GPC5: variants seen among roughly 807,000 people sequenced by gnomAD.
GPC5 encodes glypican-5.
In GPC5, 47 loss-of-function variants were observed where a neutral mutation model predicts 53.9. That is an observed-to-expected ratio of 0.87 (90% CI 0.69 to 1.11). GPC5 has a LOEUF of 1.11. Ranked by LOEUF, GPC5 falls within the 50% of genes most tolerant of loss-of-function variation. The pLI, the probability that GPC5 is intolerant of heterozygous loss-of-function variation, is 0.00. For synonymous variants in GPC5, 286 were observed against 263.3 expected (o/e 1.09, Z -0.84); for missense variants, 748 against 713.1 (o/e 1.05, Z -0.56).
chr13:92,175,460 A>G (rs1225346427), intron 7 of GPC5, among the ~76,000 whole-genome samples: 1 of 152,200 alleles, frequency 6.6e-6, no homozygotes, highest in Non-Finnish European at 1.5e-5. Context: ...ACATTTGAAT[A>G]GGAGGTTATG....
chr13:92,115,304 C>A (rs981825346), intron 6 of GPC5, among the ~76,000 whole-genome samples: 4 of 152,146 alleles, frequency 2.6e-5, no homozygotes, highest in Non-Finnish European at 4.4e-5. Flanking sequence ...GTCAAGAGAT[C>A]GAGACCATTC....
At chr13:92,680,510 T>C (rs980157423) in intron 7 of GPC5, among the ~76,000 whole-genome samples, 5 of 152,098 alleles carry the variant, frequency 3.3e-5, no homozygotes, top group African/African-American at 9.7e-5. Context: ...TGTAATAAGA[T>C]GAATAATGAA....
At chr13:92,186,820 C>T (rs1484292334) in intron 7 of GPC5, among the ~76,000 whole-genome samples, 1 of 152,010 alleles carries the variant, frequency 6.6e-6, no homozygotes, top group East Asian at 1.9e-4. Context: ...TCATTATGCC[C>T]ACATTACCTA....
At chr13:92,837,842 C>G (rs186483604) in intron 7 of GPC5, among the ~76,000 whole-genome samples, 1 of 151,798 alleles carries the variant, frequency 6.6e-6, no homozygotes, top group East Asian at 1.9e-4. Context: ...CCTGTAATCC[C>G]AGCACTTTGG....
rs552781504 is a variant in GPC5, at chr13:92,306,943, A to G, written c.1561+161954A>G. On this transcript the variant is annotated intron_variant, in intron 7 of 7. Coordinates refer to ENST00000377067, the MANE Select transcript of GPC5 (RefSeq NM_004466.6). ...CTTCTTGTCTGTTTCAGGATTTTAC[A>G]TAAGATTTCATTAGCGTCTTTAATT... is the stretch of plus-strand genomic sequence containing the variant. Among the ~76,000 whole-genome samples the G allele has an allele frequency of 1.1e-4, 16 of 152,354 alleles. No homozygotes were observed. In the South Asian group the frequency reaches 2.7e-3, roughly 26 times the overall value.
chr13:91,693,121 G>T (rs1342309696), intron 2 of GPC5, 66 bp from the exon 3 acceptor site: 2 of 1,135,152 alleles, frequency 1.8e-6, no homozygotes, highest in Non-Finnish European at 2.6e-6. Context: ...TTAATGTCTG[G>T]AGCAGATGGA....
intron 2 of GPC5, among the ~76,000 whole-genome samples, chr13:91,506,021 T>C (rs528083163): frequency 6.6e-6 from 1 of 152,302 alleles, no homozygotes; most frequent in Admixed American, 6.5e-5. Flanking sequence ...GTTTCTATTA[T>C]GTGATACGGG....
intron 6 of GPC5, among the ~76,000 whole-genome samples, chr13:92,085,192 C>T (rs1261876825): frequency 8.5e-5 from 13 of 152,106 alleles, no homozygotes; most frequent in Admixed American, 5.9e-4. Flanking sequence ...TAGCACGAGT[C>T]GATATGTTTC....
chr13:91,804,952 A>G (rs144900461), intron 5 of GPC5, among the ~76,000 whole-genome samples: 6 of 152,334 alleles, frequency 3.9e-5, no homozygotes, highest in Non-Finnish European at 5.9e-5. Flanking sequence ...AGGTAGCAGA[A>G]TGAGCAGAGA....
At chr13:92,606,862 A>G (rs1594341912) in intron 7 of GPC5, among the ~76,000 whole-genome samples, 1 of 152,168 alleles carries the variant, frequency 6.6e-6, no homozygotes, top group Non-Finnish European at 1.5e-5. Flanking sequence ...GTAGTACGGT[A>G]CAATGTAAAT....
chr13:92,122,308 G>A (rs1208202236), intron 6 of GPC5, among the ~76,000 whole-genome samples: 2 of 150,288 alleles, frequency 1.3e-5, no homozygotes, highest in African/African-American at 4.9e-5. Flanking sequence ...TTAATCTGCT[G>A]GCCCTTTTGC....
At chr13:92,666,182 G>A (rs972703619) in intron 7 of GPC5, among the ~76,000 whole-genome samples, 2 of 152,128 alleles carry the variant, frequency 1.3e-5, no homozygotes, top group African/African-American at 4.8e-5. Flanking sequence ...TAGCATAACA[G>A]GGATGGATTT....
chr13:91,589,565 G>C (rs2032722088), intron 2 of GPC5, among the ~76,000 whole-genome samples: 1 of 152,070 alleles, frequency 6.6e-6, no homozygotes, highest in Non-Finnish European at 1.5e-5. Context: ...GGATAGGAAG[G>C]AGAGATCTAT....
chr13:92,229,181 G>GC (rs1418867382), intron 7 of GPC5, among the ~76,000 whole-genome samples: 1 of 152,006 alleles, frequency 6.6e-6, no homozygotes, highest in Non-Finnish European at 1.5e-5. Flanking sequence ...ATGTTAAGTG[G>GC]GGAAGTGAGG....
In GPC5 at chr13:92,192,417, T is replaced by G. The variant is rs759275144; in HGVS notation, c.1561+47428T>G. ...CTCTAAAAGTTTATTAATTAATATA[T>G]ACATATGGAGCTCATTTTTCAAGGA... On this transcript the variant is annotated intron_variant, in intron 7 of 7. Transcript: ENST00000377067. Among the ~76,000 whole-genome samples the G allele has an allele frequency of 1.3e-4, 20 of 152,304 alleles. 1 individual carries two copies. The highest frequency in any genetic ancestry group is 6.8e-3 in the Middle Eastern group (2 of 294).
intron 2 of GPC5, among the ~76,000 whole-genome samples, chr13:91,514,578 A>G (rs1191031029): frequency 1.3e-5 from 2 of 152,188 alleles, no homozygotes; most frequent in Non-Finnish European, 2.9e-5. Context: ...CGTTATTTCT[A>G]AAAACATCAA....
intron 7 of GPC5, among the ~76,000 whole-genome samples, chr13:92,842,131 TAC>T (rs1878450156): frequency 6.6e-6 from 1 of 152,176 alleles, no homozygotes; most frequent in Admixed American, 6.6e-5. Context: ...TACTTTCACA[TAC>T]ACAAATATAT....
At chr13:91,717,106 C>T (rs911366860) in intron 3 of GPC5, among the ~76,000 whole-genome samples, 5 of 152,058 alleles carry the variant, frequency 3.3e-5, no homozygotes, top group African/African-American at 7.2e-5. Context: ...AATTTAATTT[C>T]ATAGGTGATA....
At chr13:91,913,103 T>TA (rs925850292) in intron 6 of GPC5, among the ~76,000 whole-genome samples, 19 of 152,056 alleles carry the variant, frequency 1.2e-4, no homozygotes, top group Admixed American at 2.6e-4. Flanking sequence ...AGAAGACAAT[T>TA]TATAAGAAAA....
Sources: gnomAD v4.1 joint callset for allele counts (sites outside exome capture counted in the v4.1 genomes callset) on GRCh38, gnomAD v4.1.1 for gene constraint, MANE v1.5 for transcripts, NCBI Gene and HGNC (gene_info 2026-07-23, HGNC 2026-07-21) for gene names.